PAG1: variants seen among roughly 807,000 people sequenced by gnomAD.
PAG1 encodes the protein phosphoprotein membrane anchor with glycosphingolipid microdomains 1, also known as phosphoprotein associated with glycosphingolipid-enriched microdomains 1.
A neutral mutation model predicts 31.7 loss-of-function variants in PAG1; 23 were observed. The ratio of observed to expected loss-of-function variants is 0.73; its 90% CI spans 0.52 to 1.03. PAG1 has a LOEUF of 1.03. Among genes scored for constraint, PAG1 ranks in the 50% least tolerant of loss-of-function variants. The pLI, the probability that PAG1 is intolerant of heterozygous loss-of-function variation, is 0.00. For synonymous variants in PAG1, 214 were observed against 210.3 expected (o/e 1.02, Z -0.15); for missense variants, 473 against 540.7 (o/e 0.87, Z 1.24).
At chr8:81,073,748 A>G (rs1809131321) in intron 1 of PAG1, among the ~76,000 whole-genome samples, 1 of 152,170 alleles carries the variant, frequency 6.6e-6, no homozygotes, top group Admixed American at 6.5e-5. Flanking sequence ...GGAGGTGGGG[A>G]ACAAACCCAC....
intron 1 of PAG1, among the ~76,000 whole-genome samples, chr8:81,102,565 T>C (rs906550850): frequency 2.0e-5 from 3 of 152,186 alleles, no homozygotes; most frequent in South Asian, 2.1e-4. Flanking sequence ...TAGATATTTT[T>C]TGTGAAAGAA....
intron 2 of PAG1, among the ~76,000 whole-genome samples, chr8:81,055,965 A>G (rs1279640885): frequency 6.6e-6 from 1 of 152,136 alleles, no homozygotes; most frequent in Non-Finnish European, 1.5e-5. Flanking sequence ...CTTCTGCCTG[A>G]TTGCCCTGGC....
intron 2 of PAG1, among the ~76,000 whole-genome samples, chr8:81,043,329 T>C (rs1027260735): frequency 6.6e-6 from 1 of 152,348 alleles, no homozygotes; most frequent in African/African-American, 2.4e-5. Context: ...ATATTCCTTT[T>C]CACTATATTC....
chr8:81,002,433 A>T (rs1191920115), intron 3 of PAG1, among the ~76,000 whole-genome samples: 2 of 152,254 alleles, frequency 1.3e-5, no homozygotes, highest in East Asian at 3.8e-4. Flanking sequence ...GGGACTGCAC[A>T]GTAAAAGATG....
In PAG1 at chr8:81,076,499, A is replaced by T. The variant is rs368872160; in HGVS notation, c.-233-6329T>A. On this transcript the variant is annotated intron_variant, in intron 1 of 8. Transcript: ENST00000220597. ...GCACCTGCATATGGTAATTAGGGTT[A>T]GGCATTCAGGGCTGATAAAATATTT... Among the ~76,000 whole-genome samples, 12 of 152,360 alleles carry T rather than the reference A, an allele frequency of 7.9e-5. No individual in the cohort carries two copies. The South Asian group carries it at 2.1e-3, about 26-fold the overall frequency.
intron 2 of PAG1, among the ~76,000 whole-genome samples, chr8:81,034,912 A>G (rs1424286537): frequency 6.6e-6 from 1 of 152,186 alleles, no homozygotes; most frequent in South Asian, 2.1e-4. Flanking sequence ...TCTGCTCACA[A>G]GAGCAGAGTA....
At chr8:81,111,109 A>T (rs963533620) in intron 1 of PAG1, among the ~76,000 whole-genome samples, 1 of 152,214 alleles carries the variant, frequency 6.6e-6, no homozygotes, top group African/African-American at 2.4e-5. Flanking sequence ...TCCCTAAAGG[A>T]CTAGGCTCCA....
chr8:81,052,258 A>G (rs1408797474), intron 2 of PAG1, among the ~76,000 whole-genome samples: 2 of 152,062 alleles, frequency 1.3e-5, no homozygotes, highest in Non-Finnish European at 2.9e-5. Context: ...CTTGAAAGTG[A>G]TTTTTATGTG....
chr8:81,092,793 A>G (rs564049510), intron 1 of PAG1, among the ~76,000 whole-genome samples: 1 of 152,212 alleles, frequency 6.6e-6, no homozygotes, highest in South Asian at 2.1e-4. Flanking sequence ...AATCACTTTT[A>G]ATCCCTAACT....
chr8:81,085,972 G>GC (rs1809345131), intron 1 of PAG1, among the ~76,000 whole-genome samples: 1 of 58,876 alleles, frequency 1.7e-5, no homozygotes, highest in Non-Finnish European at 3.0e-5. Context: ...AATCTGGCTT[G>GC]TTTTTTTTTT....
At chr8:80,993,925 A>C (rs2130519538) in intron 3 of PAG1, among the ~76,000 whole-genome samples, 2 of 152,202 alleles carry the variant, frequency 1.3e-5, no homozygotes, top group East Asian at 3.9e-4. Context: ...TAATGTCTTC[A>C]AATAAAGATT....
intron 1 of PAG1, among the ~76,000 whole-genome samples, chr8:81,085,634 T>C (rs1335971467): frequency 6.6e-6 from 1 of 152,274 alleles, no homozygotes; most frequent in East Asian, 1.9e-4. Context: ...GAGGAATATA[T>C]AGGATTTTGT....
intron 2 of PAG1, among the ~76,000 whole-genome samples, chr8:81,031,004 G>C (rs1405200395): frequency 6.6e-6 from 1 of 152,134 alleles, no homozygotes; most frequent in African/African-American, 2.4e-5. Context: ...ACCAACTGAG[G>C]CATAATTCCT....
chr8:81,004,805 AC>A (rs1807845817), intron 3 of PAG1, among the ~76,000 whole-genome samples: 1 of 152,144 alleles, frequency 6.6e-6, no homozygotes, highest in Non-Finnish European at 1.5e-5. Flanking sequence ...CAAGCTGAGA[AC>A]TGTCCCCAAT....
In PAG1 at chr8:80,976,740, G is replaced by A. The variant is rs1563612585; in HGVS notation, c.1103C>T (p.Thr368Ile). ...TGCTGGTGGAAGTGTGCTGTTTGGAGTTTTTTCGAAGTCTTTAACAGTAGC... is the reference window on the plus strand; with the variant it reads ...TGCTGGTGGAAGTGTGCTGTTTGGAATTTTTTCGAAGTCTTTAACAGTAGC... The part of the protein sequence containing the change: ...LYATVKDFEK[T>I]PNSTLPPAGR... Residue 368 changes from threonine (T) to isoleucine (I), a missense_variant, in exon 9 of 9, where the codon ACT becomes ATT. Physicochemically the swap from Thr to Ile is moderately conservative, Grantham distance 89 (BLOSUM62 -1). Coordinates refer to ENST00000220597, the MANE Select transcript of PAG1 (RefSeq NM_018440.4). The A allele has an allele frequency of 6.2e-7, 1 of 1,613,974 alleles. No individual in the cohort carries two copies.
At chr8:81,062,597 A>G (rs1374292884) in intron 2 of PAG1, among the ~76,000 whole-genome samples, 2 of 152,256 alleles carry the variant, frequency 1.3e-5, no homozygotes, top group East Asian at 1.9e-4. Context: ...GAAACACTAG[A>G]AAAAAAATTA....
chr8:81,019,375 C>T (rs1379693738), intron 3 of PAG1, among the ~76,000 whole-genome samples: 1 of 152,228 alleles, frequency 6.6e-6, no homozygotes, highest in African/African-American at 2.4e-5. Context: ...GAGACCTTCA[C>T]AGCAGCCCCT....
intron 1 of PAG1, among the ~76,000 whole-genome samples, chr8:81,101,658 A>T (rs917626144): frequency 6.6e-6 from 1 of 152,206 alleles, no homozygotes; most frequent in African/African-American, 2.4e-5. Flanking sequence ...AAACATAAAC[A>T]GGCTTTGGAC....
chr8:80,987,634 C>G (rs78580088), intron 5 of PAG1, 168 bp from the exon 6 acceptor site: 4 of 561,840 alleles, frequency 7.1e-6, no homozygotes, highest in Non-Finnish European at 1.3e-5. Context: ...CATTTCAAGA[C>G]CCCCAGTGGA....
Sources: gnomAD v4.1 joint callset for allele counts (sites outside exome capture counted in the v4.1 genomes callset) on GRCh38, gnomAD v4.1.1 for gene constraint, MANE v1.5 for transcripts, NCBI Gene and HGNC (gene_info 2026-07-23, HGNC 2026-07-21) for gene names.